Variants in PPARD observed in about 807,000 individuals in gnomAD.
PPARD encodes the protein peroxisome proliferator-activated receptor delta.
In PPARD, 6 loss-of-function variants were observed where a neutral mutation model predicts 39.5. The observed-to-expected ratio is 0.15, with a 90% CI of 0.08 to 0.30. PPARD has a LOEUF of 0.30. PPARD is among the 10% of genes least tolerant of loss of function. The pLI is 1.00. For missense variants in PPARD, 397 were observed against 596.8 expected, an observed-to-expected ratio of 0.67 and a Z score of 3.49; for synonymous variants, 210 against 231.3, an observed-to-expected ratio of 0.91 and a Z score of 0.83.
At chr6:35,384,684 C>A in intron 2 of PPARD, among the ~76,000 whole-genome samples, 1 of 87,804 alleles carries the variant, frequency 1.1e-5, no homozygotes, top group East Asian at 3.4e-4. Context: ...CCCGCCTGGC[C>A]AGCCGCCCCG....
At chr6:35,423,015 T>A (rs1191845289) in intron 5 of PPARD, among the ~76,000 whole-genome samples, 1 of 113,966 alleles carries the variant, frequency 8.8e-6, no homozygotes, top group Non-Finnish European at 1.6e-5. Flanking sequence ...TCCAGGAGTT[T>A]AAGACCAGCC....
chr6:35,409,330 C>T (rs1765270752), intron 2 of PPARD, among the ~76,000 whole-genome samples: 1 of 151,880 alleles, frequency 6.6e-6, no homozygotes. Flanking sequence ...CATAGCAAAA[C>T]CTTATCCCTA....
At chr6:35,393,106 A>G (rs1764110409) in intron 2 of PPARD, among the ~76,000 whole-genome samples, 1 of 152,172 alleles carries the variant, frequency 6.6e-6, no homozygotes, top group South Asian at 2.1e-4. Flanking sequence ...GACCAGGGCC[A>G]GTGGCTTGGT....
chr6:35,405,584 G>A (rs184546141), intron 2 of PPARD, among the ~76,000 whole-genome samples: 173 of 152,004 alleles, frequency 1.1e-3, no homozygotes, highest in Non-Finnish European at 1.9e-3. Context: ...AAAAAGCCAG[G>A]GTTTTTTGCC....
chr6:35,351,271 C>T (rs977577043), intron 2 of PPARD, among the ~76,000 whole-genome samples: 1 of 152,116 alleles, frequency 6.6e-6, no homozygotes, highest in African/African-American at 2.4e-5. Flanking sequence ...GTGATTCACC[C>T]GCGTCGGCCT....
intron 2 of PPARD, among the ~76,000 whole-genome samples, chr6:35,371,004 C>G (rs541437286): frequency 6.6e-6 from 1 of 152,336 alleles, no homozygotes; most frequent in African/African-American, 2.4e-5. Flanking sequence ...CTACTCACCC[C>G]ACACCCTCTC....
chr6:35,404,953 TTGTGTGTGTGTGTGTGTGTGTGTGTG>T (rs59359748), intron 2 of PPARD, among the ~76,000 whole-genome samples: 3 of 142,130 alleles, frequency 2.1e-5, no homozygotes, highest in South Asian at 2.3e-4. Context: ...ACTGCAGGCT[TTGTGTGTGTGTGTGTGTGTGTGTGTG>T]TGTGTGTGTG....
intron 1 of PPARD, among the ~76,000 whole-genome samples, chr6:35,344,641 T>G (rs937638519): frequency 2.0e-5 from 3 of 152,196 alleles, no homozygotes; most frequent in African/African-American, 7.2e-5. Context: ...GGCTCATTGT[T>G]TCACCTGGCC....
At chr6:35,382,162 GTGGGAAGCTC>G (rs1453781266) in intron 2 of PPARD, among the ~76,000 whole-genome samples, 5 of 152,218 alleles carry the variant, frequency 3.3e-5, no homozygotes, top group Non-Finnish European at 5.9e-5. Flanking sequence ...AGTTGGCCTA[GTGGGAAGCTC>G]TGGGATGGGA....
At chr6:35,404,746 T>C (rs1187240606) in intron 2 of PPARD, among the ~76,000 whole-genome samples, 1 of 152,178 alleles carries the variant, frequency 6.6e-6, no homozygotes, top group Non-Finnish European at 1.5e-5. Flanking sequence ...TTAGTTGCTC[T>C]GGCCCCAGAC....
chr6:35,373,194 C>T (rs1325556631), intron 2 of PPARD, among the ~76,000 whole-genome samples: 1 of 152,176 alleles, frequency 6.6e-6, no homozygotes, highest in Non-Finnish European at 1.5e-5. Context: ...AAAGGCCACA[C>T]CTCTTAATAC....
chr6:35,383,642 G>A (rs1217393335), intron 2 of PPARD, among the ~76,000 whole-genome samples: 3 of 133,466 alleles, frequency 2.2e-5, no homozygotes, highest in Non-Finnish European at 4.5e-5. Context: ...CTGCCCGGCC[G>A]CCCATCGTCT....
chr6:35,375,164 G>A (rs917339743), intron 2 of PPARD, among the ~76,000 whole-genome samples: 2 of 143,154 alleles, frequency 1.4e-5, no homozygotes, highest in African/African-American at 5.1e-5. Context: ...ATATTTTTTA[G>A]TACTTTCCAT....
In PPARD at chr6:35,426,172, C is replaced by A; in HGVS notation, c.*93C>A. On this transcript the variant is annotated 3_prime_UTR_variant, in exon 8 of 8. Transcript: ENST00000360694. ...TTTCCATTGACCAGCCCTTGAGCAC[C>A]CGGCCTGGAGCAGCAGAGTCCCACG... The A allele has an allele frequency of 6.6e-7, 1 of 1,510,074 alleles. No individual in the cohort carries two copies. Among genetic ancestry groups the A allele is most frequent in the Non-Finnish European group, 8.9e-7 (1 of 1,128,186 alleles). The allele number at this position is 1,510,074 out of a possible 1,614,324, so 93.5% of individuals were successfully genotyped here. A position where few individuals can be genotyped will look rare whatever the true frequency, so the allele number is the denominator to read the frequency against.
At chr6:35,376,999 GAC>G (rs1240041565) in intron 2 of PPARD, among the ~76,000 whole-genome samples, 1 of 147,142 alleles carries the variant, frequency 6.8e-6, no homozygotes, top group East Asian at 2.1e-4. Flanking sequence ...CAGCCCGGGC[GAC>G]AGAGTGAGAC....
At chr6:35,409,070 C>T (rs1043802710) in intron 2 of PPARD, among the ~76,000 whole-genome samples, 2 of 151,976 alleles carry the variant, frequency 1.3e-5, no homozygotes, top group South Asian at 4.2e-4. Flanking sequence ...CCAGGTTTTC[C>T]CACTCTAATG....
chr6:35,382,895 GTTA>G (rs1301271999), intron 2 of PPARD, among the ~76,000 whole-genome samples: 1 of 152,208 alleles, frequency 6.6e-6, no homozygotes, highest in Non-Finnish European at 1.5e-5. Context: ...ATGTGTTGTT[GTTA>G]TTATCATCAT....
In PPARD at chr6:35,424,930, A is replaced by G; in HGVS notation, c.1078+151A>G. The stretch of plus-strand genomic sequence containing the variant: ...GGAACATGCAAGGCACTGACTGAGC[A>G]TGCAGGATCAGCTCCATCTCATTAT... On this transcript the variant is annotated intron_variant, in intron 7 of 7. Transcript: ENST00000360694. The surrounding 1 kb of genome is among the most constrained non-coding windows in gnomAD (Gnocchi z 7.1). The G allele has an allele frequency of 1.4e-6, 2 of 1,443,860 alleles. No individual in the cohort carries two copies. Among genetic ancestry groups the G allele is most frequent in the Non-Finnish European group, 9.1e-7 (1 of 1,103,320 alleles). The allele number at this position is 1,443,860 out of a possible 1,614,324, so 89.4% of individuals were successfully genotyped here.
At chr6:35,354,668 A>G (rs1044008857) in intron 2 of PPARD, among the ~76,000 whole-genome samples, 5 of 152,190 alleles carry the variant, frequency 3.3e-5, no homozygotes, top group African/African-American at 9.7e-5. Context: ...CAAAATTGTA[A>G]CATAAGCTCT....
Sources: gnomAD v4.1 joint callset for allele counts (sites outside exome capture counted in the v4.1 genomes callset) on GRCh38, gnomAD v4.1.1 for gene constraint, Gnocchi (gnomAD v3.1) non-coding constraint, MANE v1.5 for transcripts, NCBI Gene and HGNC (gene_info 2026-07-23, HGNC 2026-07-21) for gene names.